Variants in CHSY3 observed in about 807,000 individuals in gnomAD.
CHSY3 encodes the protein chondroitin sulfate synthase 3.
CHSY3 carries 35 observed loss-of-function variants against 67.2 expected under a neutral mutation model. The observed-to-expected ratio is 0.52, with a 90% CI of 0.40 to 0.69. The LOEUF is 0.69. CHSY3 is among the 30% of genes least tolerant of loss of function. The pLI, the probability that CHSY3 is intolerant of heterozygous loss-of-function variation, is 0.00. For synonymous variants in CHSY3, 474 were observed against 434.7 expected (o/e 1.09, Z -1.12); for missense variants, 1,069 against 1,138.5 (o/e 0.94, Z 0.88).
chr5:129,973,573 G>T (rs145311443), intron 2 of CHSY3, among the ~76,000 whole-genome samples: 3 of 151,834 alleles, frequency 2.0e-5, no homozygotes, highest in East Asian at 3.9e-4. Context: ...TCCCTAATAC[G>T]CCCCACTGTT....
chr5:129,938,133 G>A (rs1407519735), intron 2 of CHSY3, among the ~76,000 whole-genome samples: 1 of 152,200 alleles, frequency 6.6e-6, no homozygotes, highest in Non-Finnish European at 1.5e-5. Context: ...CAAACGTGGG[G>A]CTTGTACCCT....
chr5:129,988,967 A>G (rs945720631), intron 2 of CHSY3, among the ~76,000 whole-genome samples: 1 of 152,180 alleles, frequency 6.6e-6, no homozygotes, highest in Non-Finnish European at 1.5e-5. Context: ...CATCTGGCAT[A>G]TATCTTCAGA....
chr5:130,024,468 T>C (rs1764482897), intron 2 of CHSY3, among the ~76,000 whole-genome samples: 1 of 152,102 alleles, frequency 6.6e-6, no homozygotes, highest in African/African-American at 2.4e-5. Context: ...GAAGTGTTTA[T>C]TTGTAGGAAA....
chr5:130,161,284 A>G (rs994469064), intron 2 of CHSY3, among the ~76,000 whole-genome samples: 2 of 152,138 alleles, frequency 1.3e-5, no homozygotes, highest in Non-Finnish European at 2.9e-5. Flanking sequence ...TTAATTTTTT[A>G]AACTTCTGGA....
intron 2 of CHSY3, among the ~76,000 whole-genome samples, chr5:130,081,164 G>A (rs931944508): frequency 5.3e-5 from 8 of 152,114 alleles, no homozygotes; most frequent in Non-Finnish European, 1.2e-4. Context: ...CCTGTGATAT[G>A]AGTTCAGTTA....
chr5:130,180,716 C>T (rs1164499678), intron 2 of CHSY3, among the ~76,000 whole-genome samples: 5 of 151,720 alleles, frequency 3.3e-5, no homozygotes, highest in Admixed American at 2.0e-4. Flanking sequence ...TAGCCGGGTG[C>T]GGTGGCATGC....
At position 129,905,055 on chromosome 5, in the gene CHSY3, C is replaced by A. The variant is rs1242566353; in HGVS notation, c.226C>A (p.Pro76Thr). ...GTCCCGACCACGGCAGGAGCAGTCG[C>A]CGCCCCCCGCGCGCCAGGATCTCCA... ...PQSRPRQEQS[P>T]PPARQDLQGP... Residue 76 changes from proline to threonine, a missense_variant, in exon 1 of 3, where the codon CCG becomes ACG. Transcript: ENST00000305031. 3.2e-6 allele frequency: 5 copies of A among 1,547,356 alleles called. No individual in the cohort carries two copies.
chr5:130,131,838 T>A (rs1375326424), intron 2 of CHSY3, among the ~76,000 whole-genome samples: 1 of 152,158 alleles, frequency 6.6e-6, no homozygotes, highest in Non-Finnish European at 1.5e-5. Context: ...GAACAATGTG[T>A]GTATGTGAGA....
At chr5:130,171,248 A>G (rs1392269098) in intron 2 of CHSY3, among the ~76,000 whole-genome samples, 4 of 152,138 alleles carry the variant, frequency 2.6e-5, no homozygotes, top group Non-Finnish European at 5.9e-5. Context: ...CTATATAGTC[A>G]CTCTGAATAT....
intron 2 of CHSY3, among the ~76,000 whole-genome samples, chr5:130,006,072 A>C (rs1191482905): frequency 6.6e-6 from 1 of 152,186 alleles, no homozygotes. Context: ...GCATGTCCCA[A>C]AATTAAATAA....
At chr5:130,090,338 C>T (rs1766834898) in intron 2 of CHSY3, among the ~76,000 whole-genome samples, 1 of 152,114 alleles carries the variant, frequency 6.6e-6, no homozygotes, top group African/African-American at 2.4e-5. Flanking sequence ...TGGAGTCTTC[C>T]AATTCCCTAG....
intron 2 of CHSY3, among the ~76,000 whole-genome samples, chr5:129,913,945 G>T (rs1760652503): frequency 6.6e-6 from 1 of 152,110 alleles, no homozygotes; most frequent in African/African-American, 2.4e-5. Flanking sequence ...TTCACAAAAG[G>T]ATATGTTCTG....
intron 2 of CHSY3, among the ~76,000 whole-genome samples, chr5:129,980,345 A>T (rs1580608721): frequency 6.6e-6 from 1 of 152,124 alleles, no homozygotes; most frequent in Non-Finnish European, 1.5e-5. Flanking sequence ...TGTGGAGCGT[A>T]TTTTCACATT....
Position 130,181,913 on chromosome 5 carries a change from A to ATGTAAATTTAG in CHSY3, c.1087-2315_1087-2305dup, listed in dbSNP as rs201366930. 8.0e-3 allele frequency among the ~76,000 whole-genome samples: 1,220 copies of ATGTAAATTTAG among 152,164 alleles called. 16 individuals carry two copies. The highest frequency in any genetic ancestry group is 0.028 in the African/African-American group (1,148 of 41,536). ...ATATACTACATTTATTCTGTTCTTG[A>ATGTAAATTTAG]TGTAAATTTAGGTTATTTTCAGTTT... On this transcript the variant is annotated intron_variant, in intron 2 of 2. Transcript: ENST00000305031.
At position 129,905,407 on chromosome 5, in the gene CHSY3, G is replaced by C. The variant is rs775318987; in HGVS notation, c.578G>C (p.Arg193Pro). ...GGCAGCCGCGCGCTGGCCGCGCAGC[G>C]GACCTGGGCGCGTTTCATCCCGGGC... ...YLGSRALAAQ[R>P]TWARFIPGRV... The change falls in exon 1 of 3, where the codon CGG (arginine) becomes CCG (proline). Residue 193 changes from arginine to proline, a missense_variant. By Grantham distance (103) the Arg-to-Pro change is moderately radical (BLOSUM62 -2). This residue lies in a region of CHSY3 where 216 missense variants were observed against 311.5 expected (regional missense o/e 0.69). Transcript: ENST00000305031. 6.2e-7 allele frequency: 1 copy of C among 1,608,416 alleles called. No individual in the cohort carries two copies. Among genetic ancestry groups the C allele is most frequent in the African/African-American group, 1.3e-5 (1 of 74,882 alleles).
At chr5:130,180,043 G>T (rs1383822562) in intron 2 of CHSY3, among the ~76,000 whole-genome samples, 1 of 152,164 alleles carries the variant, frequency 6.6e-6, no homozygotes, top group African/African-American at 2.4e-5. Context: ...CAGCTCACCT[G>T]AGTTCCTGAA....
intron 2 of CHSY3, among the ~76,000 whole-genome samples, chr5:129,967,015 A>G (rs1044031993): frequency 1.3e-5 from 2 of 151,830 alleles, no homozygotes; most frequent in Non-Finnish European, 2.9e-5. Flanking sequence ...TGATTTGACC[A>G]TCTTCTATTT....
chr5:129,926,775 G>GT (rs1761126474), intron 2 of CHSY3, among the ~76,000 whole-genome samples: 1 of 151,318 alleles, frequency 6.6e-6, no homozygotes, highest in Non-Finnish European at 1.5e-5. Flanking sequence ...TTTTGTTTGT[G>GT]TTTTTTCCAT....
intron 2 of CHSY3, among the ~76,000 whole-genome samples, chr5:130,131,516 T>C (rs1768483362): frequency 6.6e-6 from 1 of 152,212 alleles, no homozygotes; most frequent in Non-Finnish European, 1.5e-5. Flanking sequence ...TTTATATCTA[T>C]TTATTTAATC....
Sources: allele counts gnomAD v4.1 joint callset (sites outside exome capture counted in the v4.1 genomes callset), GRCh38; gene constraint gnomAD v4.1.1; regional missense constraint gnomAD v4.1.1; transcripts MANE v1.5; gene names NCBI Gene and HGNC (gene_info 2026-07-23, HGNC 2026-07-21).